The following LIN52 variants were observed in gnomAD, a reference collection of about 807,000 sequenced individuals.
The protein encoded by LIN52 is protein lin-52 homolog.
A neutral mutation model predicts 18.5 loss-of-function variants in LIN52; 4 were observed. That is an observed-to-expected ratio of 0.22 (90% CI 0.11 to 0.49). The LOEUF (loss-of-function observed/expected upper bound fraction) is 0.49, where lower values mean the gene tolerates loss of function less well. Ranked by LOEUF, LIN52 falls within the 20% of genes least tolerant of loss-of-function variation. The probability of loss-of-function intolerance (pLI) is 0.97; values close to 1 mark genes in which losing one functional copy is unlikely to be tolerated. For synonymous variants in LIN52, 34 were observed against 45.5 expected (o/e 0.75, Z 1.02); for missense variants, 102 against 139.5 (o/e 0.73, Z 1.35).
chr14:74,172,837 T>C (rs1163053602), intron 5 of LIN52, among the ~76,000 whole-genome samples: 2 of 152,224 alleles, frequency 1.3e-5, no homozygotes, highest in Non-Finnish European at 2.9e-5. Context: ...GAGGTTCCTA[T>C]GGGCCCTTTG....
intron 3 of LIN52, among the ~76,000 whole-genome samples, chr14:74,097,347 C>G (rs1349701289): frequency 1.3e-5 from 2 of 152,042 alleles, no homozygotes; most frequent in Admixed American, 1.3e-4. Context: ...CTGGAGAAAT[C>G]CAGGTTTTTG....
chr14:74,099,457 G>A (rs2060838623), intron 4 of LIN52, among the ~76,000 whole-genome samples: 2 of 152,042 alleles, frequency 1.3e-5, no homozygotes, highest in Admixed American at 6.6e-5. Context: ...ATTTCTTAAG[G>A]CAACTTTAAA....
At chr14:74,106,338 T>C (rs1009605333) in intron 5 of LIN52, among the ~76,000 whole-genome samples, 1 of 152,150 alleles carries the variant, frequency 6.6e-6, no homozygotes, top group African/African-American at 2.4e-5. Context: ...GGCCTTATCA[T>C]GGCTCACTGC....
intron 5 of LIN52, among the ~76,000 whole-genome samples, chr14:74,118,267 T>G (rs2060976412): frequency 6.6e-6 from 1 of 151,820 alleles, no homozygotes; most frequent in Non-Finnish European, 1.5e-5. Context: ...TGTCAAAAAA[T>G]AAGTAAATAA....
intron 5 of LIN52, among the ~76,000 whole-genome samples, chr14:74,197,883 A>G (rs1335174771): frequency 6.6e-6 from 1 of 152,220 alleles, no homozygotes; most frequent in Non-Finnish European, 1.5e-5. Context: ...GACTTGGGAA[A>G]GGCAACAAGG....
intron 5 of LIN52, among the ~76,000 whole-genome samples, chr14:74,111,498 C>T (rs989620820): frequency 9.9e-5 from 15 of 150,958 alleles, no homozygotes; most frequent in African/African-American, 2.9e-4. Context: ...GATGGGGTCT[C>T]CCTGTGTTGC....
At chr14:74,093,331 T>TA in intron 2 of LIN52, among the ~76,000 whole-genome samples, 1 of 150,194 alleles carries the variant, frequency 6.7e-6, no homozygotes, top group Non-Finnish European at 1.5e-5. Context: ...CTTTTTTTTT[T>TA]TTTTTTTTTT....
intron 5 of LIN52, among the ~76,000 whole-genome samples, chr14:74,111,606 G>GTATTTATTTATTTATT (rs3082883): frequency 3.3e-4 from 46 of 138,110 alleles, no homozygotes; most frequent in Middle Eastern, 3.6e-3. Context: ...CCTGCCCCTG[G>GTATTTATTTATTTATT]TATTTATTTA....
chr14:74,192,019 A>G (rs189795316), intron 5 of LIN52, among the ~76,000 whole-genome samples: 2 of 152,314 alleles, frequency 1.3e-5, no homozygotes, highest in East Asian at 3.9e-4. Context: ...AGTACCCGAC[A>G]TTACTCCAGC....
At position 74,103,487 on chromosome 14, in the gene LIN52, C is replaced by T. The variant is rs561923925; in HGVS notation, c.283+2249C>T. ...TGCTCTTGTTGCCCAGGCTGGAGTG[C>T]AATGACATGATCTTGGCTTACTGCA... On this transcript the variant is annotated intron_variant, in intron 5 of 5. Transcript: ENST00000555028. Among the ~76,000 whole-genome samples the T allele has an allele frequency of 1.1e-3, 146 of 136,584 alleles. 1 individual carries two copies. Among genetic ancestry groups the T allele is most frequent in the Admixed American group, 5.8e-3 (73 of 12,504 alleles). 89.6% of individuals were successfully genotyped at this position (136,584 alleles called of 152,430 possible). A position where few individuals can be genotyped will look rare whatever the true frequency, so the allele number is the denominator to read the frequency against.
chr14:74,146,731 T>G (rs1009878334), intron 5 of LIN52, among the ~76,000 whole-genome samples: 1 of 152,040 alleles, frequency 6.6e-6, no homozygotes, highest in African/African-American at 2.4e-5. Context: ...AAAACAATCT[T>G]GAAAAAGAAC....
chr14:74,092,905 A>G (rs1293192303), intron 2 of LIN52, among the ~76,000 whole-genome samples: 1 of 151,760 alleles, frequency 6.6e-6, no homozygotes, highest in African/African-American at 2.4e-5. Context: ...CAACAGAGAA[A>G]GACTCTTTCT....
rs573188668 is a variant in LIN52, at chr14:74,103,733, GTTTTTTTTTTTTTT to G, written c.283+2518_283+2531del. Among the ~76,000 whole-genome samples the G allele has an allele frequency of 5.4e-4, 25 of 46,034 alleles. No individual in the cohort carries two copies. The East Asian group carries it at 0.021, about 39-fold the overall frequency. The allele number at this position is 46,034 out of a possible 152,430, so 30.2% of individuals were successfully genotyped here. On this transcript the variant is annotated intron_variant, in intron 5 of 5. Transcript: ENST00000555028. ...AGGTGTGAGCCACCGGGCCTGGCCA[GTTTTTTTTTTTTTT>G]TTTTTTTTTTTTTTTTTTTTTTAAG...
chr14:74,096,383 A>G (rs1363751308), intron 3 of LIN52, among the ~76,000 whole-genome samples: 4 of 151,856 alleles, frequency 2.6e-5, no homozygotes, highest in Admixed American at 6.6e-5. Flanking sequence ...TGTGGAGAAG[A>G]GGTCTCACTA....
intron 5 of LIN52, among the ~76,000 whole-genome samples, chr14:74,124,885 A>G (rs1279715431): frequency 6.6e-6 from 1 of 151,830 alleles, no homozygotes; most frequent in Non-Finnish European, 1.5e-5. Context: ...ATGATGCCAA[A>G]AGCACAAACA....
At chr14:74,085,586 G>A (rs1239873632) in intron 1 of LIN52, 2 of 152,224 alleles carry the variant, frequency 1.3e-5, no homozygotes, top group African/African-American at 4.8e-5. Flanking sequence ...GAGCTTTTAA[G>A]TGTCGTCTTG....
At chr14:74,109,477 A>C (rs2060914654) in intron 5 of LIN52, among the ~76,000 whole-genome samples, 1 of 152,184 alleles carries the variant, frequency 6.6e-6, no homozygotes, top group African/African-American at 2.4e-5. Flanking sequence ...AAACAAAAAA[A>C]ATTGGTTGGC....
At chr14:74,181,123 A>G (rs540439043) in intron 5 of LIN52, among the ~76,000 whole-genome samples, 2,619 of 120,200 alleles carry the variant, frequency 0.022, 58 homozygotes, top group African/African-American at 0.055. Flanking sequence ...AAAAAAAAAA[A>G]AAAAAGAAAA....
intron 5 of LIN52, among the ~76,000 whole-genome samples, chr14:74,152,891 C>A (rs1394469556): frequency 7.2e-6 from 1 of 139,616 alleles, no homozygotes; most frequent in East Asian, 2.1e-4. Flanking sequence ...ACCTGGGAGG[C>A]AGAGGTTGCA....
Sources: allele counts gnomAD v4.1 joint callset (sites outside exome capture counted in the v4.1 genomes callset), GRCh38; gene constraint gnomAD v4.1.1; transcripts MANE v1.5; gene names NCBI Gene and HGNC (gene_info 2026-07-23, HGNC 2026-07-21).